Variants in OR1L6 observed in about 807,000 individuals in gnomAD.
The protein encoded by OR1L6 is olfactory receptor 1L6.
Under a neutral mutation model 3.0 loss-of-function variants are expected in OR1L6, and 2 were observed. The ratio of observed to expected loss-of-function variants is 0.68; its 90% CI spans 0.28 to 2.13. The LOEUF (loss-of-function observed/expected upper bound fraction) is 2.13. Among genes scored for constraint, OR1L6 ranks in the 30% most tolerant of loss-of-function variants. OR1L6 has a pLI of 0.14. For missense variants in OR1L6, 304 were observed against 378.4 expected, an observed-to-expected ratio of 0.80 and a Z score of 1.63; for synonymous variants, 121 against 148.4, an observed-to-expected ratio of 0.82 and a Z score of 1.34.
Position 122,742,370 on chromosome 9 carries a change from A to G in OR1L6, c.-17A>G, listed in dbSNP as rs1828800288. 1 of 152,146 alleles carries G rather than the reference A, an allele frequency of 6.6e-6. No homozygotes were observed. The highest frequency in any genetic ancestry group is 2.4e-5 in the African/African-American group (1 of 41,410). 9.4% of individuals were successfully genotyped at this position (152,146 alleles called of 1,614,324 possible). A position where few individuals can be genotyped will look rare whatever the true frequency, so the allele number is the denominator to read the frequency against. ...CCCCTGAATCTCCTTTGTCAAGCCC[A>G]CAGGTAGGCACACTGAGGGGACTTG... is the stretch of plus-strand genomic sequence containing the variant. On this transcript the variant is annotated 5_prime_UTR_variant, in exon 1 of 2. Coordinates refer to ENST00000304720, the MANE Select transcript of OR1L6 (RefSeq NM_001004453.3).
intron 1 of OR1L6, among the ~76,000 whole-genome samples, chr9:122,746,308 T>C (rs1828836321): frequency 6.6e-6 from 1 of 152,316 alleles, no homozygotes; most frequent in Admixed American, 6.5e-5. Context: ...GTCTATGTCA[T>C]AGGATTTGGA....
chr9:122,745,701 C>A (rs1828830106), intron 1 of OR1L6, among the ~76,000 whole-genome samples: 1 of 151,766 alleles, frequency 6.6e-6, no homozygotes, highest in Admixed American at 6.6e-5. Flanking sequence ...CGTAAACCAC[C>A]GCACCCAGCC....
At chr9:122,747,344 T>C (rs1292583598) in intron 1 of OR1L6, among the ~76,000 whole-genome samples, 1 of 152,084 alleles carries the variant, frequency 6.6e-6, no homozygotes, top group Admixed American at 6.5e-5. Flanking sequence ...TTTTTCACTA[T>C]TATGTAATTT....
chr9:122,749,722 C>T, intron 1 of OR1L6, 113 bp from the exon 2 acceptor site: 2 of 994,894 alleles, frequency 2.0e-6, no homozygotes, highest in Middle Eastern at 2.1e-4. Flanking sequence ...AAAAAAAAAA[C>T]AACCGTAACA....
chr9:122,749,058 A>G (rs1010189934), intron 1 of OR1L6, among the ~76,000 whole-genome samples: 2 of 152,200 alleles, frequency 1.3e-5, no homozygotes, highest in African/African-American at 4.8e-5. Context: ...ATATAAGTGC[A>G]GGTATCCCTT....
rs150308775 is a variant in OR1L6 at position 122,750,582 on chromosome 9, C to A, written c.735C>A (p.His245Gln). The change falls in exon 2 of 2, where the codon CAC becomes CAA. Residue 245 changes from histidine to glutamine, a missense_variant. This residue lies in a region of OR1L6 where 91 missense variants were observed against 87.8 expected (regional missense o/e 1.04). Coordinates refer to ENST00000304720, the MANE Select transcript of OR1L6 (RefSeq NM_001004453.3). ...AGGCCTTCTCTACCTGTGGCTCCCA[C>A]CTCACTGCAGTAGCCCTTTTCTATG... ...KWKAFSTCGSHLTAVALFYGS... is the reference protein window; with the variant it reads ...KWKAFSTCGSQLTAVALFYGS... 969 of 1,614,040 alleles carry A rather than the reference C, an allele frequency of 6.0e-4. 4 individuals are homozygous for A. The highest frequency in any genetic ancestry group is 2.0e-3 in the South Asian group (184 of 91,072).
In OR1L6 at chr9:122,750,780, G is replaced by C; in HGVS notation, c.933G>C (p.Arg311=). The change falls in exon 2 of 2, where the codon CGG becomes CGC. Residue 311 remains arginine, a synonymous_variant. Transcript: ENST00000304720. The part of the protein sequence containing the change: ...GLKKLQDRIY[R] Reference sequence around the variant, plus strand: ...AGAAATTACAGGACAGAATTTACCGGTAAAAGGAACAAAATGTTGGTGTGT... The same window carrying C: ...AGAAATTACAGGACAGAATTTACCGCTAAAAGGAACAAAATGTTGGTGTGT... The C allele has an allele frequency of 6.3e-7, 1 of 1,595,366 alleles. No individual in the cohort carries two copies. The highest frequency in any genetic ancestry group is 8.5e-7 in the Non-Finnish European group (1 of 1,170,490).
Position 122,750,246 on chromosome 9 carries a change from T to C in OR1L6, c.399T>C (p.Tyr133=). Residue 133 remains tyrosine (Y), a synonymous_variant, in exon 2 of 2, where the codon TAT becomes TAC. Transcript: ENST00000304720. ...TGGCCATCTGCAACCCCTTACACTA[T>C]GATGTGGTTATGAAACCACGGCATT... ...RLVAICNPLH[Y]DVVMKPRHCL... The C allele has an allele frequency of 3.1e-6, 5 of 1,614,090 alleles. No homozygotes were observed. The highest frequency in any genetic ancestry group is 4.2e-6 in the Non-Finnish European group (5 of 1,180,014).
chr9:122,749,944 C>T lies in OR1L6; in HGVS notation c.97C>T (p.Leu33Phe), dbSNP rs759278663. 1.4e-5 allele frequency: 23 copies of T among 1,614,026 alleles called. No individual in the cohort carries two copies. The highest frequency in any genetic ancestry group is 6.6e-5 in the South Asian group (6 of 91,078). The part of the protein sequence containing the change: ...QLQKPLFAIF[L>F]IMYLLAAVGN... ...GCAGAAACCTCTCTTTGCCATCTTC[C>T]TCATCATGTACCTGCTCGCTGCGGT... is the stretch of plus-strand genomic sequence containing the variant. The change falls in exon 2 of 2, where the codon CTC (leucine) becomes TTC (phenylalanine). Residue 33 changes from leucine to phenylalanine, a missense_variant. Coordinates refer to ENST00000304720, the MANE Select transcript of OR1L6 (RefSeq NM_001004453.3).
intron 1 of OR1L6, among the ~76,000 whole-genome samples, chr9:122,743,785 G>C (rs1313378723): frequency 6.6e-6 from 1 of 152,210 alleles, no homozygotes; most frequent in Non-Finnish European, 1.5e-5. Flanking sequence ...TGTGGAATTG[G>C]AGGCAGAAAT....
rs755330066 is a variant in OR1L6, at chr9:122,749,979, G to T, written c.132G>T (p.Val44=). The change falls in exon 2 of 2, where the codon GTG becomes GTT. Residue 44 remains valine, a synonymous_variant. Transcript: ENST00000304720. The stretch of plus-strand genomic sequence containing the variant: ...ACCTGCTCGCTGCGGTGGGGAATGT[G>T]CTCATCATCCCGGCCATCTACTCTG... ...IMYLLAAVGN[V]LIIPAIYSDP... 1 of 1,613,974 alleles carries T rather than the reference G, an allele frequency of 6.2e-7. No homozygotes were observed. Among genetic ancestry groups the T allele is most frequent in the Non-Finnish European group, 8.5e-7 (1 of 1,180,038 alleles).
intron 1 of OR1L6, among the ~76,000 whole-genome samples, chr9:122,746,031 C>T (rs2118908183): frequency 6.6e-6 from 1 of 152,286 alleles, no homozygotes; most frequent in African/African-American, 2.4e-5. Flanking sequence ...TTGCCCTCCA[C>T]TCCCCGACAG....
At chr9:122,745,796 A>G (rs918336369) in intron 1 of OR1L6, among the ~76,000 whole-genome samples, 14 of 152,182 alleles carry the variant, frequency 9.2e-5, no homozygotes, top group Admixed American at 3.9e-4. Context: ...ACACATAAAC[A>G]CTTTTTAAGG....
intron 1 of OR1L6, among the ~76,000 whole-genome samples, chr9:122,748,186 G>T (rs1447485257): frequency 6.6e-6 from 1 of 152,102 alleles, no homozygotes; most frequent in Non-Finnish European, 1.5e-5. Flanking sequence ...AGCAGGCTTT[G>T]CTCTGAAGAC....
At chr9:122,742,912 C>A (rs1029186193) in intron 1 of OR1L6, among the ~76,000 whole-genome samples, 2 of 152,174 alleles carry the variant, frequency 1.3e-5, no homozygotes, top group African/African-American at 4.8e-5. Flanking sequence ...GGTGTTCCAC[C>A]CAAGGACTGG....
At chr9:122,747,986 T>A (rs1828853052) in intron 1 of OR1L6, among the ~76,000 whole-genome samples, 1 of 152,166 alleles carries the variant, frequency 6.6e-6, no homozygotes, top group Admixed American at 6.5e-5. Flanking sequence ...AATCCTGTAA[T>A]ATTTGAATGT....
At chr9:122,749,714 A>G in intron 1 of OR1L6, 121 bp from the exon 2 acceptor site, 1 of 994,706 alleles carries the variant, frequency 1.0e-6, no homozygotes, top group Non-Finnish European at 1.6e-6. Context: ...TCTCAAAGAA[A>G]AAAAAAACAA....
chr9:122,742,685 G>A (rs1017089135), intron 1 of OR1L6, among the ~76,000 whole-genome samples: 2 of 152,238 alleles, frequency 1.3e-5, no homozygotes, highest in African/African-American at 4.8e-5. Flanking sequence ...GCAATGCAGA[G>A]GCTGAGAGCA....
intron 1 of OR1L6, among the ~76,000 whole-genome samples, chr9:122,747,454 CT>C (rs1049360453): frequency 2.6e-5 from 4 of 151,906 alleles, no homozygotes; most frequent in African/African-American, 9.7e-5. Context: ...TTTAGAAAAA[CT>C]TTCACAAGTT....
Sources: gnomAD v4.1 joint callset for allele counts (sites outside exome capture counted in the v4.1 genomes callset) on GRCh38, gnomAD v4.1.1 for gene constraint, gnomAD v4.1.1 regional missense constraint, MANE v1.5 for transcripts, NCBI Gene and HGNC (gene_info 2026-07-23, HGNC 2026-07-21) for gene names.